PPARGC1A: variants seen among roughly 807,000 people sequenced by gnomAD.
PPARGC1A encodes the protein PPARG coactivator 1 alpha.
Under a neutral mutation model 88.7 loss-of-function variants are expected in PPARGC1A, and 25 were observed. The observed-to-expected ratio is 0.28, with a 90% CI of 0.21 to 0.39. PPARGC1A has a LOEUF of 0.39. Among genes scored for constraint, PPARGC1A ranks in the 10% least tolerant of loss-of-function variants. The pLI is 1.00. For synonymous variants in PPARGC1A, 363 were observed against 355.6 expected (o/e 1.02, Z -0.24); for missense variants, 880 against 968.7 (o/e 0.91, Z 1.22).
At chr4:24,304,183 T>G in the PPARGC1A span, among the ~76,000 whole-genome samples, 1 of 152,212 alleles carries the variant, frequency 6.6e-6, no homozygotes, top group Non-Finnish European at 1.5e-5. Context: ...TAAATGCTTA[T>G]AGATGACCTG....
chr4:24,043,244 T>C, the PPARGC1A span, among the ~76,000 whole-genome samples: 138,919 of 152,180 alleles, frequency 0.91, 63,540 homozygotes, highest in South Asian at 0.95. Flanking sequence ...ATGTCCCCTA[T>C]CCCGACGCCA....
chr4:24,447,616 T>C, the PPARGC1A span, among the ~76,000 whole-genome samples: 1 of 152,220 alleles, frequency 6.6e-6, no homozygotes, highest in Non-Finnish European at 1.5e-5. Context: ...ATCCTCGTCA[T>C]GCATCTGCTG....
chr4:24,027,874 C>A, the PPARGC1A span, among the ~76,000 whole-genome samples: 1 of 152,202 alleles, frequency 6.6e-6, no homozygotes, highest in African/African-American at 2.4e-5. Flanking sequence ...TGCAACATAC[C>A]GATCAGTGCC....
the PPARGC1A span, among the ~76,000 whole-genome samples, chr4:23,995,505 C>A: frequency 6.6e-6 from 1 of 152,176 alleles, no homozygotes; most frequent in Non-Finnish European, 1.5e-5. Context: ...ATTCCCTCAG[C>A]TTTGCACATA....
chr4:24,351,118 C>G, the PPARGC1A span, among the ~76,000 whole-genome samples: 48 of 152,092 alleles, frequency 3.2e-4, no homozygotes, highest in African/African-American at 1.1e-3. Context: ...ATAGTCCCAG[C>G]TACTTGCGAG....
the PPARGC1A span, among the ~76,000 whole-genome samples, chr4:24,395,172 T>G: frequency 6.6e-6 from 1 of 152,142 alleles, no homozygotes; most frequent in Middle Eastern, 3.2e-3. Context: ...TTTTTCAATA[T>G]GTAAAAACCC....
chr4:23,880,325 C>T (rs59165713), intron 2 of PPARGC1A, among the ~76,000 whole-genome samples: 3,675 of 152,258 alleles, frequency 0.024, 68 homozygotes, highest in Non-Finnish European at 0.04. Context: ...TTCTTTTGTG[C>T]TTTGTATATA....
At chr4:24,208,211 A>C in the PPARGC1A span, among the ~76,000 whole-genome samples, 2 of 151,972 alleles carry the variant, frequency 1.3e-5, no homozygotes, top group Non-Finnish European at 2.9e-5. Flanking sequence ...TGAGCCTTGG[A>C]GTGTGAGGCT....
At chr4:23,830,907 G>C (rs1261746733) in intron 3 of PPARGC1A, among the ~76,000 whole-genome samples, 1 of 152,140 alleles carries the variant, frequency 6.6e-6, no homozygotes, top group Non-Finnish European at 1.5e-5. Context: ...ACGTGCTATA[G>C]TTTTTCAATC....
At chr4:23,810,398 T>C (rs1000586328) in intron 10 of PPARGC1A, among the ~76,000 whole-genome samples, 4 of 152,176 alleles carry the variant, frequency 2.6e-5, no homozygotes, top group Non-Finnish European at 4.4e-5. Flanking sequence ...ACAGAGGAAC[T>C]AGTCAACATT....
At chr4:24,124,267 T>A in the PPARGC1A span, among the ~76,000 whole-genome samples, 2 of 152,102 alleles carry the variant, frequency 1.3e-5, no homozygotes, top group Non-Finnish European at 2.9e-5. Flanking sequence ...AATACACTAG[T>A]CAGAAGTAAA....
the PPARGC1A span, among the ~76,000 whole-genome samples, chr4:24,068,374 A>T: frequency 6.6e-6 from 1 of 152,090 alleles, no homozygotes; most frequent in African/African-American, 2.4e-5. Context: ...ACCCTCATTT[A>T]CTCATGGGCT....
chr4:23,904,420 G>A (rs1322658055), upstream of PPARGC1A, among the ~76,000 whole-genome samples: 3 of 152,106 alleles, frequency 2.0e-5, no homozygotes, highest in Admixed American at 2.0e-4. Context: ...GTCCTATGAT[G>A]ACACTTTATC....
rs771816692 is a variant in PPARGC1A, at chr4:23,795,740, G to A, written c.*82C>T. The A allele has an allele frequency of 3.8e-6, 4 of 1,052,182 alleles. No individual in the cohort carries two copies. Among genetic ancestry groups the A allele is most frequent in the Admixed American group, 2.5e-5 (1 of 40,348 alleles). The allele number at this position is 1,052,182 out of a possible 1,614,324, so 65.2% of individuals were successfully genotyped here. ...TAAAGTAGGAGAAATTCCTAAGTAT[G>A]ACTTGCAATAGTCTTTAGGGAAGGA... is the stretch of plus-strand genomic sequence containing the variant. On this transcript the variant is annotated 3_prime_UTR_variant, in exon 13 of 13. Transcript: ENST00000264867.
At chr4:24,171,929 CT>C in the PPARGC1A span, among the ~76,000 whole-genome samples, 6 of 152,186 alleles carry the variant, frequency 3.9e-5, no homozygotes. Flanking sequence ...GTAAAGGTCA[CT>C]TCTTATTTAT....
the PPARGC1A span, among the ~76,000 whole-genome samples, chr4:24,161,983 C>T: frequency 2.0e-4 from 30 of 149,308 alleles, no homozygotes; most frequent in East Asian, 2.9e-3. Flanking sequence ...CACACACACA[C>T]ACACACACAC....
At chr4:24,028,121 G>GAA in the PPARGC1A span, among the ~76,000 whole-genome samples, 21 of 151,106 alleles carry the variant, frequency 1.4e-4, no homozygotes, top group Admixed American at 1.1e-3. Context: ...GCTCCTCAAG[G>GAA]AAAAAAAAAT....
chr4:24,055,757 CCT>C, the PPARGC1A span, among the ~76,000 whole-genome samples: 2 of 152,212 alleles, frequency 1.3e-5, no homozygotes, highest in Non-Finnish European at 2.9e-5. Flanking sequence ...CTGGATTTCC[CCT>C]GTTCCAGTCT....
the PPARGC1A span, among the ~76,000 whole-genome samples, chr4:24,173,549 C>T: frequency 6.6e-6 from 1 of 152,012 alleles, no homozygotes; most frequent in African/African-American, 2.4e-5. Context: ...CAAAATCAGA[C>T]AAATTGAAGT....
Sources: gnomAD v4.1 joint callset for allele counts (sites outside exome capture counted in the v4.1 genomes callset) on GRCh38, gnomAD v4.1.1 for gene constraint, MANE v1.5 for transcripts, NCBI Gene and HGNC (gene_info 2026-07-23, HGNC 2026-07-21) for gene names.